CSMD1: variants seen among roughly 807,000 people sequenced by gnomAD.
CSMD1 encodes CUB and Sushi multiple domains 1.
Under a neutral mutation model 417.5 loss-of-function variants are expected in CSMD1, and 213 were observed. That is an observed-to-expected ratio of 0.51 (90% CI 0.46 to 0.57). The LOEUF is 0.57. Among genes scored for constraint, CSMD1 ranks in the 20% least tolerant of loss-of-function variants. The pLI is 0.00. For synonymous variants in CSMD1, 2,862 were observed against 1,736.8 expected, an observed-to-expected ratio of 1.65 and a Z score of -16.11; for missense variants, 6,923 against 4,529.7, an observed-to-expected ratio of 1.53 and a Z score of -15.17.
chr8:3,211,582 C>T (rs1159745279), intron 30 of CSMD1, among the ~76,000 whole-genome samples: 1 of 152,192 alleles, frequency 6.6e-6, no homozygotes, highest in Non-Finnish European at 1.5e-5. Flanking sequence ...GAGCCTTATG[C>T]CTGTGGAATT....
intron 1 of CSMD1, among the ~76,000 whole-genome samples, chr8:4,648,393 C>T (rs1279684469): frequency 1.3e-5 from 2 of 152,072 alleles, no homozygotes; most frequent in African/African-American, 4.8e-5. Flanking sequence ...ACCAAGTGGC[C>T]CCTAATGGTG....
intron 3 of CSMD1, among the ~76,000 whole-genome samples, chr8:4,176,100 C>T (rs1226987849): frequency 6.6e-6 from 1 of 152,038 alleles, no homozygotes; most frequent in Middle Eastern, 3.2e-3. Flanking sequence ...CTCCTGCTAC[C>T]TTCTTGTAGA....
At chr8:4,468,372 A>C (rs1383238051) in intron 2 of CSMD1, among the ~76,000 whole-genome samples, 1 of 152,202 alleles carries the variant, frequency 6.6e-6, no homozygotes. Flanking sequence ...AACCATTAAT[A>C]AAGAGGATAA....
chr8:3,234,571 G>T (rs1214073343), intron 26 of CSMD1, among the ~76,000 whole-genome samples: 1 of 152,138 alleles, frequency 6.6e-6, no homozygotes, highest in Admixed American at 6.5e-5. Context: ...TTACCGGAAG[G>T]CCATTGCTGT....
At chr8:3,677,779 G>C (rs888854210) in intron 7 of CSMD1, among the ~76,000 whole-genome samples, 2 of 152,172 alleles carry the variant, frequency 1.3e-5, no homozygotes, top group Non-Finnish European at 2.9e-5. Flanking sequence ...TCTATCCAGA[G>C]TATATGTGCA....
intron 1 of CSMD1, among the ~76,000 whole-genome samples, chr8:4,707,466 C>A (rs1338789387): frequency 6.6e-6 from 1 of 152,136 alleles, no homozygotes; most frequent in African/African-American, 2.4e-5. Flanking sequence ...TTAACAGAAA[C>A]GCCTGAATTT....
At chr8:4,349,427 G>C (rs1366492049) in intron 3 of CSMD1, among the ~76,000 whole-genome samples, 1 of 152,164 alleles carries the variant, frequency 6.6e-6, no homozygotes, top group East Asian at 1.9e-4. Flanking sequence ...TTTAATGATA[G>C]AGAAAAGTCA....
intron 7 of CSMD1, among the ~76,000 whole-genome samples, chr8:3,703,861 A>G (rs973073477): frequency 1.3e-5 from 2 of 152,198 alleles, no homozygotes; most frequent in Middle Eastern, 3.2e-3. Context: ...ACCTGAGGTC[A>G]GGAGTTTGAG....
At chr8:4,151,348 C>A (rs1289881057) in intron 3 of CSMD1, among the ~76,000 whole-genome samples, 1 of 152,198 alleles carries the variant, frequency 6.6e-6, no homozygotes, top group Non-Finnish European at 1.5e-5. Flanking sequence ...CACTTATTTA[C>A]AGTGAGACAT....
At chr8:3,993,469 C>G (rs1190067538) in intron 5 of CSMD1, among the ~76,000 whole-genome samples, 3 of 152,184 alleles carry the variant, frequency 2.0e-5, no homozygotes, top group Middle Eastern at 3.2e-3. Context: ...ATTCACTCAG[C>G]TTTCCCCATT....
At chr8:3,998,838 C>T (rs1383011877) in intron 4 of CSMD1, among the ~76,000 whole-genome samples, 1 of 150,428 alleles carries the variant, frequency 6.6e-6, no homozygotes, top group Non-Finnish European at 1.5e-5. Context: ...TTATCTATTA[C>T]AAAATATTAT....
chr8:3,984,618 G>A (rs899514744), intron 5 of CSMD1, among the ~76,000 whole-genome samples: 2 of 148,864 alleles, frequency 1.3e-5, no homozygotes, highest in Non-Finnish European at 3.0e-5. Context: ...ACAGCTAGGG[G>A]TTTCATTTGA....
chr8:4,818,665 G>T (rs78392183), intron 1 of CSMD1, among the ~76,000 whole-genome samples: 273 of 152,206 alleles, frequency 1.8e-3, no homozygotes, highest in Middle Eastern at 0.014. Flanking sequence ...AAAGGGCAAA[G>T]GTATGAATAA....
chr8:3,531,189 T>C (rs116742309), intron 10 of CSMD1, among the ~76,000 whole-genome samples: 1,525 of 152,204 alleles, frequency 0.01, 27 homozygotes, highest in African/African-American at 0.034. Context: ...TAAGCATAAT[T>C]TCTGGAGATT....
chr8:4,207,391 A>C (rs1445408559), intron 3 of CSMD1, among the ~76,000 whole-genome samples: 1 of 152,164 alleles, frequency 6.6e-6, no homozygotes, highest in Non-Finnish European at 1.5e-5. Flanking sequence ...CACTCATGGA[A>C]GATTTTAATA....
At chr8:3,232,996 A>G (rs375370262) in intron 26 of CSMD1, among the ~76,000 whole-genome samples, 2 of 152,072 alleles carry the variant, frequency 1.3e-5, no homozygotes, top group African/African-American at 4.8e-5. Flanking sequence ...TATAAACCTC[A>G]TACATTAAAT....
intron 1 of CSMD1, among the ~76,000 whole-genome samples, chr8:4,860,411 A>T (rs920583513): frequency 1.3e-4 from 18 of 140,270 alleles, no homozygotes; most frequent in Non-Finnish European, 2.2e-4. Flanking sequence ...TAAAGTATAT[A>T]AAAAAAAAAA....
At chr8:4,326,739 T>C (rs1460007634) in intron 3 of CSMD1, among the ~76,000 whole-genome samples, 1 of 151,982 alleles carries the variant, frequency 6.6e-6, no homozygotes, top group African/African-American at 2.4e-5. Flanking sequence ...CTTGATGGAA[T>C]AGTAATGCCC....
intron 3 of CSMD1, among the ~76,000 whole-genome samples, chr8:4,155,033 C>G (rs150226397): frequency 1.3e-5 from 2 of 152,314 alleles, no homozygotes; most frequent in Admixed American, 6.5e-5. Context: ...ATCACAGAAC[C>G]TAACACTGCT....
Sources: allele counts gnomAD v4.1 joint callset (sites outside exome capture counted in the v4.1 genomes callset), GRCh38; gene constraint gnomAD v4.1.1; transcripts MANE v1.5; gene names NCBI Gene and HGNC (gene_info 2026-07-23, HGNC 2026-07-21).